CACNG2: variants seen among roughly 807,000 people sequenced by gnomAD.
CACNG2 encodes voltage-dependent calcium channel gamma-2 subunit.
CACNG2 carries 3 observed loss-of-function variants against 25.9 expected under a neutral mutation model. The observed-to-expected ratio is 0.12, with a 90% CI of 0.05 to 0.30. The LOEUF is 0.30. CACNG2 is among the 10% of genes least tolerant of loss of function. CACNG2 has a pLI of 1.00. For synonymous variants in CACNG2, 167 were observed against 173.3 expected (o/e 0.96, Z 0.29); for missense variants, 341 against 432.5 (o/e 0.79, Z 1.88).
intron 1 of CACNG2, among the ~76,000 whole-genome samples, chr22:36,643,199 TCTC>T (rs963960398): frequency 1.3e-5 from 2 of 149,312 alleles, no homozygotes; most frequent in African/African-American, 4.9e-5. Flanking sequence ...CTCCTTTCTT[TCTC>T]CTTCCTTCCT....
intron 1 of CACNG2, among the ~76,000 whole-genome samples, chr22:36,610,297 G>GAGCGTGATTGGGCAGGAATCAGCCC (rs1935919709): frequency 2.8e-5 from 4 of 141,632 alleles, no homozygotes; most frequent in African/African-American, 5.3e-5. Flanking sequence ...GGAATCAGCC[G>GAGCGTGATTGGGCAGGAATCAGCCC]CTTAGAGCGT....
At chr22:36,600,073 G>T (rs918099653) in intron 1 of CACNG2, among the ~76,000 whole-genome samples, 1 of 152,146 alleles carries the variant, frequency 6.6e-6, no homozygotes, top group African/African-American at 2.4e-5. Flanking sequence ...GGACTAAGGA[G>T]CTCCAGCCGC....
At chr22:36,664,189 G>C (rs958229339) in intron 1 of CACNG2, among the ~76,000 whole-genome samples, 1 of 151,822 alleles carries the variant, frequency 6.6e-6, no homozygotes, top group East Asian at 1.9e-4. Flanking sequence ...TAACTGAAAC[G>C]TTTATAGTAA....
intron 2 of CACNG2, among the ~76,000 whole-genome samples, chr22:36,569,711 T>C (rs1027010880): frequency 6.6e-6 from 1 of 152,208 alleles, no homozygotes; most frequent in Non-Finnish European, 1.5e-5. Flanking sequence ...GGCTAATTTT[T>C]GTATTTTTAG....
intron 1 of CACNG2, among the ~76,000 whole-genome samples, chr22:36,660,295 C>A (rs890578231): frequency 1.4e-4 from 22 of 152,368 alleles, no homozygotes; most frequent in Admixed American, 1.4e-3. Flanking sequence ...AATCCCCCTA[C>A]CCTTGCCGGG....
chr22:36,658,501 T>A (rs900296498), intron 1 of CACNG2, among the ~76,000 whole-genome samples: 14 of 152,192 alleles, frequency 9.2e-5, no homozygotes, highest in Admixed American at 8.5e-4. Context: ...CTTCTCCCAT[T>A]TTCTAGATAA....
intron 1 of CACNG2, among the ~76,000 whole-genome samples, chr22:36,695,936 T>C (rs1466426832): frequency 6.6e-6 from 1 of 152,200 alleles, no homozygotes; most frequent in African/African-American, 2.4e-5. Flanking sequence ...GAAGGAATTG[T>C]CCCATCTATG....
chr22:36,566,949 T>C (rs1201309538), intron 2 of CACNG2, among the ~76,000 whole-genome samples: 1 of 152,234 alleles, frequency 6.6e-6, no homozygotes, highest in Non-Finnish European at 1.5e-5. Flanking sequence ...CCCTCTTCTG[T>C]AAAGCCTTCC....
intron 1 of CACNG2, among the ~76,000 whole-genome samples, chr22:36,609,569 C>T (rs1457265118): frequency 1.6e-5 from 2 of 124,172 alleles, no homozygotes; most frequent in East Asian, 2.7e-4. Context: ...CAGGAATCAG[C>T]CCCCCAGAGC....
intron 1 of CACNG2, among the ~76,000 whole-genome samples, chr22:36,614,833 A>G (rs2145944358): frequency 6.6e-6 from 1 of 152,334 alleles, no homozygotes; most frequent in South Asian, 2.1e-4. Context: ...ACTAGCTGAG[A>G]TCTGGAATTG....
intron 1 of CACNG2, among the ~76,000 whole-genome samples, chr22:36,661,997 T>TC (rs2145984436): frequency 8.9e-6 from 1 of 112,694 alleles, no homozygotes; most frequent in East Asian, 2.6e-4. Context: ...TTTTTTTTTT[T>TC]CAGACGGAGT....
chr22:36,604,053 A>G (rs1935796369), intron 1 of CACNG2, among the ~76,000 whole-genome samples: 1 of 152,228 alleles, frequency 6.6e-6, no homozygotes, highest in Non-Finnish European at 1.5e-5. Flanking sequence ...CTAGATGCCA[A>G]TAAGAACATT....
At chr22:36,652,499 A>C (rs1255274062) in intron 1 of CACNG2, among the ~76,000 whole-genome samples, 4 of 152,120 alleles carry the variant, frequency 2.6e-5, no homozygotes, top group Non-Finnish European at 5.9e-5. Flanking sequence ...CACCCCTTTT[A>C]GGTCTTGCTC....
chr22:36,644,419 G>T (rs1431959023), intron 1 of CACNG2, among the ~76,000 whole-genome samples: 1 of 152,200 alleles, frequency 6.6e-6, no homozygotes, highest in Non-Finnish European at 1.5e-5. Context: ...CCAGTAGTTG[G>T]AAGATGCTCT....
At chr22:36,638,784 G>C (rs1012463278) in intron 1 of CACNG2, among the ~76,000 whole-genome samples, 1 of 152,090 alleles carries the variant, frequency 6.6e-6, no homozygotes, top group Non-Finnish European at 1.5e-5. Context: ...GATATCCCCA[G>C]CGTTTCACAC....
rs141908541 is a variant in CACNG2, at chr22:36,676,219, A to C, written c.211+26147T>G. 2.6e-4 allele frequency among the ~76,000 whole-genome samples: 40 copies of C among 152,324 alleles called. 1 individual carries two copies. The highest frequency in any genetic ancestry group is 9.1e-4 in the African/African-American group (38 of 41,556). ...ACACATTTGATCTTGCTCTCTCTGTAGCTGTGACCACACACGTGTACTTTG... is the reference window on the plus strand; with the variant it reads ...ACACATTTGATCTTGCTCTCTCTGTCGCTGTGACCACACACGTGTACTTTG... On this transcript the variant is annotated intron_variant, in intron 1 of 3. Coordinates refer to ENST00000300105, the MANE Select transcript of CACNG2 (RefSeq NM_006078.5).
At chr22:36,599,821 A>G (rs760766860) in intron 1 of CACNG2, among the ~76,000 whole-genome samples, 2 of 152,210 alleles carry the variant, frequency 1.3e-5, no homozygotes, top group Non-Finnish European at 2.9e-5. Flanking sequence ...TTTTATTGTT[A>G]TTCTTTATTC....
At chr22:36,579,800 A>T (rs1347586658) in intron 2 of CACNG2, among the ~76,000 whole-genome samples, 1 of 152,126 alleles carries the variant, frequency 6.6e-6, no homozygotes, top group Non-Finnish European at 1.5e-5. Context: ...CTTCCAGGAT[A>T]TATGCACCTC....
chr22:36,650,004 C>T (rs1212225067), intron 1 of CACNG2, among the ~76,000 whole-genome samples: 1 of 152,236 alleles, frequency 6.6e-6, no homozygotes, highest in African/African-American at 2.4e-5. Context: ...CCACTTCTCA[C>T]TTCTCCTGTG....
Sources: allele counts gnomAD v4.1 joint callset (sites outside exome capture counted in the v4.1 genomes callset), GRCh38; gene constraint gnomAD v4.1.1; transcripts MANE v1.5; gene names NCBI Gene and HGNC (gene_info 2026-07-23, HGNC 2026-07-21).